FBXW7: variants seen among roughly 807,000 people sequenced by gnomAD.
FBXW7 encodes the protein F-box and WD repeat domain containing 7.
Under a neutral mutation model 86.3 loss-of-function variants are expected in FBXW7, and 11 were observed. That is an observed-to-expected ratio of 0.13 (90% CI 0.08 to 0.21). The LOEUF is 0.21. FBXW7 is among the 10% of genes least tolerant of loss of function. The pLI is 1.00. For missense variants in FBXW7, 488 were observed against 847.4 expected, an observed-to-expected ratio of 0.58 and a Z score of 5.27; for synonymous variants, 313 against 297.9, an observed-to-expected ratio of 1.05 and a Z score of -0.52.
intron 4 of FBXW7, among the ~76,000 whole-genome samples, chr4:152,393,429 ATT>A (rs1736159057): frequency 6.6e-6 from 1 of 152,136 alleles, no homozygotes; most frequent in Admixed American, 6.6e-5. Context: ...TAAAGTTTTA[ATT>A]TTCTTTTCTA....
intron 2 of FBXW7, among the ~76,000 whole-genome samples, chr4:152,464,038 G>A (rs1033471835): frequency 1.3e-5 from 2 of 152,174 alleles, no homozygotes; most frequent in African/African-American, 4.8e-5. Context: ...TTAGCCATTT[G>A]GAACTCAGTT....
chr4:152,484,381 C>T, intron 2 of FBXW7, among the ~76,000 whole-genome samples: 1 of 151,994 alleles, frequency 6.6e-6, no homozygotes, highest in African/African-American at 2.4e-5. Flanking sequence ...AAGAATATGA[C>T]CCTTTTTGCA....
At chr4:152,480,903 C>A (rs1261982139) in intron 2 of FBXW7, among the ~76,000 whole-genome samples, 1 of 152,144 alleles carries the variant, frequency 6.6e-6, no homozygotes, top group Non-Finnish European at 1.5e-5. Context: ...CATAAAAGTA[C>A]AAGATGAAGC....
At position 152,322,624 on chromosome 4, in the gene FBXW7, C is replaced by T. The variant is rs1728648665; in HGVS notation, c.*257G>A. 1 of 482,756 alleles carries T rather than the reference C, an allele frequency of 2.1e-6. No homozygotes were observed. Among genetic ancestry groups the T allele is most frequent in the African/African-American group, 1.9e-5 (1 of 51,706 alleles). 29.9% of individuals were successfully genotyped at this position (482,756 alleles called of 1,614,324 possible). A position where few individuals can be genotyped will look rare whatever the true frequency, so the allele number is the denominator to read the frequency against. On this transcript the variant is annotated 3_prime_UTR_variant, in exon 14 of 14. Coordinates refer to ENST00000281708, the MANE Select transcript of FBXW7 (RefSeq NM_001349798.2). ...GTTTGATTTAGAAAGTCTCATTTTG[C>T]AAAGCTGCCCTCAGTCAAAAGTGAA...
intron 4 of FBXW7, among the ~76,000 whole-genome samples, chr4:152,404,396 C>T (rs1737226539): frequency 6.6e-6 from 1 of 152,184 alleles, no homozygotes; most frequent in African/African-American, 2.4e-5. Flanking sequence ...TATTCAACCA[C>T]ATTCAGAGAT....
intron 2 of FBXW7, among the ~76,000 whole-genome samples, chr4:152,449,516 G>A (rs1741716337): frequency 6.6e-6 from 1 of 152,104 alleles, no homozygotes; most frequent in Non-Finnish European, 1.5e-5. Context: ...AATCCAAGGA[G>A]GCTCCTGCTA....
chr4:152,450,654 T>C (rs1251119671), intron 2 of FBXW7, among the ~76,000 whole-genome samples: 1 of 152,218 alleles, frequency 6.6e-6, no homozygotes, highest in Non-Finnish European at 1.5e-5. Context: ...CCTGGTAGGA[T>C]TTGTGTTGCC....
rs905996031 is a variant in FBXW7 at position 152,509,612 on chromosome 4, G to A, written c.-120+25329C>T. On this transcript the variant is annotated intron_variant, in intron 2 of 13. Coordinates refer to ENST00000281708, the MANE Select transcript of FBXW7 (RefSeq NM_001349798.2). ...AAAAATGAAGGAATAAAGATAAGTC[G>A]ATAACAATCATGAATAATCTTATAT... 3.3e-5 allele frequency among the ~76,000 whole-genome samples: 5 copies of A among 152,070 alleles called. No individual in the cohort carries two copies. In the East Asian group the frequency reaches 7.7e-4, roughly 23 times the overall value.
chr4:152,520,520 CTT>C (rs1264529228), intron 2 of FBXW7, among the ~76,000 whole-genome samples: 1 of 151,878 alleles, frequency 6.6e-6, no homozygotes, highest in Non-Finnish European at 1.5e-5. Context: ...CAGTTGTCCT[CTT>C]TCTTTCCTAC....
intron 2 of FBXW7, among the ~76,000 whole-genome samples, chr4:152,471,866 C>T (rs1453366276): frequency 6.6e-6 from 1 of 152,062 alleles, no homozygotes; most frequent in Admixed American, 6.6e-5. Context: ...GGCCACTGCA[C>T]TCCAGCCTGG....
chr4:152,520,259 C>G (rs1344399856), intron 2 of FBXW7, among the ~76,000 whole-genome samples: 3 of 150,982 alleles, frequency 2.0e-5, no homozygotes, highest in Non-Finnish European at 4.4e-5. Context: ...AGGTGAAACC[C>G]CGTCTCTACT....
intron 4 of FBXW7, among the ~76,000 whole-genome samples, chr4:152,394,394 T>C (rs1318130251): frequency 6.6e-6 from 1 of 152,130 alleles, no homozygotes; most frequent in Non-Finnish European, 1.5e-5. Context: ...AAAATTGACT[T>C]GTAGGTTCTT....
chr4:152,389,504 A>G (rs1258152766), intron 4 of FBXW7, among the ~76,000 whole-genome samples: 1 of 152,132 alleles, frequency 6.6e-6, no homozygotes, highest in Non-Finnish European at 1.5e-5. Flanking sequence ...GAAACAACAC[A>G]GAAACAGAAA....
rs1560913345 is a variant in FBXW7 at position 152,451,076 on chromosome 4, GCAAAC to G, written c.-119-38552_-119-38548del. Among the ~76,000 whole-genome samples, 8 of 152,226 alleles carry G rather than the reference GCAAAC, an allele frequency of 5.3e-5. No homozygotes were observed. The South Asian group carries it at 1.5e-3, about 28-fold the overall frequency. ...GGTTGCAGATAGATGGAGCTGGAAG[GCAAAC>G]CAACAAAGATAAGGTTTAAAAATTA... On this transcript the variant is annotated intron_variant, in intron 2 of 13. Coordinates refer to ENST00000281708, the MANE Select transcript of FBXW7 (RefSeq NM_001349798.2).
intron 2 of FBXW7, among the ~76,000 whole-genome samples, chr4:152,484,354 G>T (rs990065766): frequency 6.6e-6 from 1 of 151,984 alleles, no homozygotes; most frequent in Non-Finnish European, 1.5e-5. Flanking sequence ...GCCTTTAAAA[G>T]AGATTATAGA....
At chr4:152,427,432 T>A (rs1739485936) in intron 2 of FBXW7, among the ~76,000 whole-genome samples, 1 of 152,240 alleles carries the variant, frequency 6.6e-6, no homozygotes, top group South Asian at 2.1e-4. Flanking sequence ...ATTATCCATA[T>A]GCCATCCTCA....
intron 2 of FBXW7, among the ~76,000 whole-genome samples, chr4:152,461,019 G>A (rs2149630663): frequency 6.6e-6 from 1 of 152,214 alleles, no homozygotes; most frequent in African/African-American, 2.4e-5. Context: ...AGTGGCTCAC[G>A]CCTGTAATCA....
rs1728564685 is a variant in FBXW7 at position 152,321,580 on chromosome 4, G to A, written c.*1301C>T. 1.7e-5 allele frequency: 4 copies of A among 232,980 alleles called. No homozygotes were observed. Among genetic ancestry groups the A allele is most frequent in the Admixed American group, 5.6e-5 (1 of 17,750 alleles). The allele number at this position is 232,980 out of a possible 1,614,324, so 14.4% of individuals were successfully genotyped here. A position where few individuals can be genotyped will look rare whatever the true frequency, so the allele number is the denominator to read the frequency against. ...TTCATTTTGTTTGTTTGCATGTGAC[G>A]CCTTTACTACAAAAACTGAATAGTT... On this transcript the variant is annotated 3_prime_UTR_variant, in exon 14 of 14. Coordinates refer to ENST00000281708, the MANE Select transcript of FBXW7 (RefSeq NM_001349798.2).
At position 152,366,059 on chromosome 4, in the gene FBXW7, C is replaced by T. The variant is rs529713440; in HGVS notation, c.502-15935G>A. On this transcript the variant is annotated intron_variant, in intron 4 of 13. Coordinates refer to ENST00000281708, the MANE Select transcript of FBXW7 (RefSeq NM_001349798.2). ...GAGCTACAGAAATAACAACAGAAAA[C>T]CATTAATTTTGAACACAATTTTAAA... is the stretch of plus-strand genomic sequence containing the variant. Among the ~76,000 whole-genome samples, 5 of 152,098 alleles carry T rather than the reference C, an allele frequency of 3.3e-5. No individual in the cohort carries two copies. The South Asian group carries it at 6.2e-4, about 19-fold the overall frequency.
Sources: gnomAD v4.1 joint callset for allele counts (sites outside exome capture counted in the v4.1 genomes callset) on GRCh38, gnomAD v4.1.1 for gene constraint, MANE v1.5 for transcripts, NCBI Gene and HGNC (gene_info 2026-07-23, HGNC 2026-07-21) for gene names.